The following POPDC1 variants were observed in gnomAD, a reference collection of about 807,000 sequenced individuals.
The protein encoded by POPDC1 is popeye domain-containing protein 1.
chr6:105,104,582 G>A, the POPDC1 span, among the ~76,000 whole-genome samples: 1 of 152,128 alleles, frequency 6.6e-6, no homozygotes, highest in Non-Finnish European at 1.5e-5. Flanking sequence ...GGCACCACCA[G>A]CATTCCTCAA....
the POPDC1 span, among the ~76,000 whole-genome samples, chr6:105,128,398 A>G: frequency 6.6e-6 from 1 of 152,214 alleles, no homozygotes. Flanking sequence ...GCATGGTCCA[A>G]ATAGAACCTG....
the POPDC1 span, among the ~76,000 whole-genome samples, chr6:105,103,502 T>C: frequency 6.6e-6 from 1 of 152,012 alleles, no homozygotes; most frequent in African/African-American, 2.4e-5. Flanking sequence ...GTTTCCATCA[T>C]ATTTTTAGCC....
chr6:105,105,197 T>C, the POPDC1 span, among the ~76,000 whole-genome samples: 7 of 152,132 alleles, frequency 4.6e-5, no homozygotes, highest in Non-Finnish European at 5.9e-5. Context: ...CAACTCCCTG[T>C]CCTTATAACA....
the POPDC1 span, among the ~76,000 whole-genome samples, chr6:105,108,221 G>A: frequency 1.3e-5 from 2 of 152,150 alleles, no homozygotes; most frequent in Non-Finnish European, 2.9e-5. Context: ...AGAGGAGAAG[G>A]TGAATGAACC....
the POPDC1 span, among the ~76,000 whole-genome samples, chr6:105,108,274 A>G: frequency 6.6e-6 from 1 of 152,224 alleles, no homozygotes; most frequent in Admixed American, 6.5e-5. Flanking sequence ...CAGCCATGCA[A>G]CAGCTCAGAG....
chr6:105,131,161 C>G, the POPDC1 span, among the ~76,000 whole-genome samples: 190 of 152,186 alleles, frequency 1.2e-3, 1 homozygote, highest in Non-Finnish European at 1.6e-3. Flanking sequence ...AGCTAACCAC[C>G]CACTTTAAAA....
At chr6:105,128,209 G>C in the POPDC1 span, among the ~76,000 whole-genome samples, 1 of 152,216 alleles carries the variant, frequency 6.6e-6, no homozygotes, top group Non-Finnish European at 1.5e-5. Context: ...ACCTCTGTAA[G>C]AGGACTGTAC....
chr6:105,122,609 G>C, the POPDC1 span, among the ~76,000 whole-genome samples: 1 of 152,186 alleles, frequency 6.6e-6, no homozygotes, highest in Non-Finnish European at 1.5e-5. Flanking sequence ...ATATGAGATA[G>C]TTATCACACA....
chr6:105,111,334 G>A, the POPDC1 span, among the ~76,000 whole-genome samples: 3 of 152,216 alleles, frequency 2.0e-5, no homozygotes, highest in Admixed American at 6.5e-5. Flanking sequence ...CAATCCATCT[G>A]TGTGAATGCA....
At chr6:105,116,980 T>C in the POPDC1 span, 3 of 1,029,140 alleles carry the variant, frequency 2.9e-6, no homozygotes, top group Non-Finnish European at 1.4e-6. Flanking sequence ...TAGCAATGAT[T>C]TGTCAAATTA....
the POPDC1 span, among the ~76,000 whole-genome samples, chr6:105,126,150 C>A: frequency 6.6e-6 from 1 of 151,286 alleles, no homozygotes; most frequent in African/African-American, 2.4e-5. Flanking sequence ...TGCTTGAACC[C>A]GGGAGGTGGA....
At chr6:105,101,138 A>C in the POPDC1 span, 1 of 1,613,742 alleles carries the variant, frequency 6.2e-7, no homozygotes, top group Non-Finnish European at 8.5e-7. Context: ...CGGTTCAAAA[A>C]CGTCATCATC....
At chr6:105,125,406 A>C in the POPDC1 span, 10 of 1,614,238 alleles carry the variant, frequency 6.2e-6, no homozygotes, top group South Asian at 9.9e-5. Flanking sequence ...CTTCAAGAGA[A>C]TACTCAGACG....
the POPDC1 span, chr6:105,098,916 G>A: frequency 2.6e-5 from 4 of 152,344 alleles, no homozygotes; most frequent in Non-Finnish European, 5.9e-5. Flanking sequence ...CCAGGCTGGA[G>A]TGCAGTGGTG....
the POPDC1 span, among the ~76,000 whole-genome samples, chr6:105,105,027 T>C: frequency 6.6e-6 from 1 of 152,178 alleles, no homozygotes; most frequent in Non-Finnish European, 1.5e-5. Context: ...GTGGCTGCCA[T>C]GAATGAGCTT....
the POPDC1 span, among the ~76,000 whole-genome samples, chr6:105,127,579 A>T: frequency 1.8e-4 from 28 of 152,046 alleles, no homozygotes; most frequent in Admixed American, 1.8e-3. Context: ...AGCTGGGACT[A>T]CAGGTGTGTG....
the POPDC1 span, chr6:105,133,736 T>C: frequency 1.7e-6 from 1 of 595,660 alleles, no homozygotes; most frequent in Non-Finnish European, 2.9e-6. Flanking sequence ...CAAATCCAAC[T>C]CTGTCACATA....
chr6:105,122,982 C>T, the POPDC1 span, among the ~76,000 whole-genome samples: 60 of 152,210 alleles, frequency 3.9e-4, no homozygotes, highest in Non-Finnish European at 7.1e-4. Context: ...TCAGGAAGGG[C>T]GGGAGCAGGG....
chr6:105,108,165 A>G, the POPDC1 span, among the ~76,000 whole-genome samples: 20 of 152,188 alleles, frequency 1.3e-4, no homozygotes, highest in Non-Finnish European at 2.1e-4. Flanking sequence ...AGGAGGAGCA[A>G]AAGTCCCGCA....
Sources: gnomAD v4.1 joint callset for allele counts (sites outside exome capture counted in the v4.1 genomes callset) on GRCh38, gnomAD v4.1.1 for gene constraint, MANE v1.5 for transcripts, NCBI Gene and HGNC (gene_info 2026-07-23, HGNC 2026-07-21) for gene names.